NALF1: variants seen among roughly 807,000 people sequenced by gnomAD.
The protein encoded by NALF1 is NALCN channel auxiliary factor 1.
In NALF1, 3 loss-of-function variants were observed where a neutral mutation model predicts 48.4. The observed-to-expected ratio is 0.06, with a 90% CI of 0.03 to 0.16. NALF1 has a LOEUF of 0.16. Ranked by LOEUF, NALF1 falls within the 10% of genes least tolerant of loss-of-function variation. The pLI is 1.00. For synonymous variants in NALF1, 262 were observed against 245.7 expected, an observed-to-expected ratio of 1.07 and a Z score of -0.62; for missense variants, 526 against 571.5, an observed-to-expected ratio of 0.92 and a Z score of 0.81.
intron 1 of NALF1, among the ~76,000 whole-genome samples, chr13:107,549,543 TG>T (rs1248800494): frequency 1.3e-5 from 2 of 152,128 alleles, no homozygotes; most frequent in Non-Finnish European, 2.9e-5. Flanking sequence ...TACAAAGAAA[TG>T]TAATACATCT....
chr13:107,414,466 A>C (rs1052860468), intron 1 of NALF1, among the ~76,000 whole-genome samples: 27 of 150,722 alleles, frequency 1.8e-4, no homozygotes, highest in African/African-American at 6.3e-4. Flanking sequence ...TTCGGTAACA[A>C]ATTACCATAT....
intron 1 of NALF1, among the ~76,000 whole-genome samples, chr13:107,594,167 T>G (rs1478384028): frequency 6.6e-6 from 1 of 152,070 alleles, no homozygotes; most frequent in African/African-American, 2.4e-5. Context: ...AAGTGGGCTG[T>G]AGTCTACATA....
chr13:107,830,269 T>C (rs1301567013), intron 1 of NALF1, among the ~76,000 whole-genome samples: 1 of 152,236 alleles, frequency 6.6e-6, no homozygotes, highest in Non-Finnish European at 1.5e-5. Context: ...CCTTCGTTCC[T>C]TTAAATGTCG....
At chr13:107,456,687 G>GA (rs1884830212) in intron 1 of NALF1, among the ~76,000 whole-genome samples, 1 of 152,118 alleles carries the variant, frequency 6.6e-6, no homozygotes, top group African/African-American at 2.4e-5. Context: ...TTTTATTTTA[G>GA]AAAAATAAAT....
chr13:107,865,642 G>C (rs745512634), intron 1 of NALF1, 40 bp downstream of exon 1: 2 of 1,587,124 alleles, frequency 1.3e-6, no homozygotes, highest in African/African-American at 1.4e-5. Context: ...AGCAGAGATA[G>C]GAAAGTGCAG....
intron 1 of NALF1, among the ~76,000 whole-genome samples, chr13:107,700,529 C>G (rs938728903): frequency 6.6e-6 from 1 of 151,852 alleles, no homozygotes; most frequent in Non-Finnish European, 1.5e-5. Context: ...CATAAAATTC[C>G]AAGAACAGAT....
In NALF1 at chr13:107,228,804, TAA is replaced by T. The variant is rs775405720; in HGVS notation, c.916-18051_916-18050del. 1.3e-3 allele frequency among the ~76,000 whole-genome samples: 203 copies of T among 152,086 alleles called. 1 individual carries two copies. The highest frequency in any genetic ancestry group is 5.4e-4 in the Non-Finnish European group (37 of 67,996). On this transcript the variant is annotated intron_variant, in intron 1 of 2. Coordinates refer to ENST00000375915, the MANE Select transcript of NALF1 (RefSeq NM_001080396.3). ...CCCGGCTAATTTTTGTATTTTTAGT[TAA>T]GACGGGATTTCACCATGTTGGCCAG...
At chr13:107,553,125 C>T (rs768892737) in intron 1 of NALF1, among the ~76,000 whole-genome samples, 1 of 152,022 alleles carries the variant, frequency 6.6e-6, no homozygotes, top group African/African-American at 2.4e-5. Context: ...ATAAAAAAAG[C>T]TGAAATGGTT....
Position 107,595,053 on chromosome 13 carries a change from G to A in NALF1, c.915+270629C>T, listed in dbSNP as rs144089030. 8.3e-4 allele frequency among the ~76,000 whole-genome samples: 126 copies of A among 152,140 alleles called. 1 individual carries two copies. Among genetic ancestry groups the A allele is most frequent in the Admixed American group, 1.7e-3 (26 of 15,252 alleles). On this transcript the variant is annotated intron_variant, in intron 1 of 2. Coordinates refer to ENST00000375915, the MANE Select transcript of NALF1 (RefSeq NM_001080396.3). ...ATTTAGCATGTTATTATTTTAGCAT[G>A]CATACAGATACACACATAGTTAGAA...
chr13:107,236,729 C>CTA (rs1351997596), intron 1 of NALF1, among the ~76,000 whole-genome samples: 7 of 137,194 alleles, frequency 5.1e-5, no homozygotes, highest in Non-Finnish European at 3.2e-5. Context: ...ATCTATCTAT[C>CTA]TATCTATCAT....
In NALF1 at chr13:107,736,870, A is replaced by T. The variant is rs548185230; in HGVS notation, c.915+128812T>A. On this transcript the variant is annotated intron_variant, in intron 1 of 2. Coordinates refer to ENST00000375915, the MANE Select transcript of NALF1 (RefSeq NM_001080396.3). ...TTCTCCAACATTTGAAGCTAAAACA[A>T]AATGAATGCAGCTCCACCATATTAA... is the stretch of plus-strand genomic sequence containing the variant. 1.3e-3 allele frequency among the ~76,000 whole-genome samples: 203 copies of T among 152,330 alleles called. 1 individual carries two copies. The highest frequency in any genetic ancestry group is 2.3e-3 in the Non-Finnish European group (155 of 68,036).
intron 1 of NALF1, among the ~76,000 whole-genome samples, chr13:107,694,983 G>A (rs1881667107): frequency 6.6e-6 from 1 of 151,968 alleles, no homozygotes; most frequent in African/African-American, 2.4e-5. Context: ...AGCAGAGACG[G>A]GGTTTCACCA....
chr13:107,188,271 C>CA (rs1011391943), intron 2 of NALF1, among the ~76,000 whole-genome samples: 33 of 152,106 alleles, frequency 2.2e-4, no homozygotes, highest in African/African-American at 7.0e-4. Context: ...AAATAACTTA[C>CA]AAAAAATTAA....
At chr13:107,760,127 T>C (rs1217650537) in intron 1 of NALF1, among the ~76,000 whole-genome samples, 1 of 152,248 alleles carries the variant, frequency 6.6e-6, no homozygotes, top group Non-Finnish European at 1.5e-5. Flanking sequence ...TGCCAGCCTT[T>C]GCTGTCCAAG....
chr13:107,560,883 T>G (rs1877625522), intron 1 of NALF1, among the ~76,000 whole-genome samples: 1 of 152,264 alleles, frequency 6.6e-6, no homozygotes, highest in Non-Finnish European at 1.5e-5. Flanking sequence ...TTGTGAAGAA[T>G]GCTAAGAAAT....
intron 2 of NALF1, among the ~76,000 whole-genome samples, chr13:107,189,501 C>T (rs1172279095): frequency 6.6e-6 from 1 of 152,128 alleles, no homozygotes; most frequent in Non-Finnish European, 1.5e-5. Flanking sequence ...ACAGGAAAGT[C>T]ACATGGATTC....
intron 1 of NALF1, among the ~76,000 whole-genome samples, chr13:107,676,064 T>C (rs1006465443): frequency 6.6e-6 from 1 of 152,156 alleles, no homozygotes; most frequent in Admixed American, 6.5e-5. Flanking sequence ...ACAAAGGTTG[T>C]CATGAACTTT....
chr13:107,643,962 A>ATT (rs35582790), intron 1 of NALF1, among the ~76,000 whole-genome samples: 8,862 of 138,032 alleles, frequency 0.064, 559 homozygotes, highest in African/African-American at 0.16. Flanking sequence ...GTTTCAGATG[A>ATT]TTTTTTTTTT....
intron 1 of NALF1, among the ~76,000 whole-genome samples, chr13:107,819,026 C>A (rs1879274163): frequency 1.4e-5 from 2 of 147,160 alleles, no homozygotes; most frequent in Admixed American, 7.0e-5. Flanking sequence ...GGATTATTTT[C>A]TTTCTGTTTC....
Sources: gnomAD v4.1 joint callset for allele counts (sites outside exome capture counted in the v4.1 genomes callset) on GRCh38, gnomAD v4.1.1 for gene constraint, MANE v1.5 for transcripts, NCBI Gene and HGNC (gene_info 2026-07-23, HGNC 2026-07-21) for gene names.